The following TAFA4 variants were observed in gnomAD, a reference collection of about 807,000 sequenced individuals.
TAFA4 encodes chemokine-like protein TAFA-4.
TAFA4 carries 20 observed loss-of-function variants against 21.1 expected under a neutral mutation model. The ratio of observed to expected loss-of-function variants is 0.95; its 90% confidence interval spans 0.67 to 1.38. TAFA4 has a LOEUF of 1.38. Among genes scored for constraint, TAFA4 ranks in the 40% most tolerant of loss-of-function variants. The pLI is 0.00. For synonymous variants in TAFA4, 71 were observed against 67.4 expected (o/e 1.05, Z -0.26); for missense variants, 211 against 180.9 (o/e 1.17, Z -0.95).
chr3:68,827,653 T>C (rs984630751), intron 3 of TAFA4, among the ~76,000 whole-genome samples: 1 of 152,268 alleles, frequency 6.6e-6, no homozygotes, highest in Non-Finnish European at 1.5e-5. Context: ...TGAGCCTTTT[T>C]TCATATGTTT....
chr3:68,753,069 G>A (rs1414256943), intron 3 of TAFA4, 51 bp from the exon 4 acceptor site: 2 of 1,570,738 alleles, frequency 1.3e-6, no homozygotes, highest in Admixed American at 1.7e-5. Context: ...AGAAGGAAAT[G>A]ACACCACCAA....
intron 3 of TAFA4, among the ~76,000 whole-genome samples, chr3:68,855,896 G>C (rs541098658): frequency 6.6e-6 from 1 of 152,202 alleles, no homozygotes; most frequent in South Asian, 2.1e-4. Flanking sequence ...AAAGAGCCAA[G>C]CTCACTGCCG....
chr3:68,778,246 C>T (rs573207190), intron 3 of TAFA4, among the ~76,000 whole-genome samples: 15 of 152,176 alleles, frequency 9.9e-5, no homozygotes, highest in Admixed American at 9.8e-4. Context: ...TGAATGGCTA[C>T]ATTAATATTA....
intron 5 of TAFA4, among the ~76,000 whole-genome samples, chr3:68,734,829 A>C (rs1437096270): frequency 1.3e-5 from 2 of 152,088 alleles, no homozygotes; most frequent in Non-Finnish European, 2.9e-5. Flanking sequence ...GGCTATTGTG[A>C]TGTTAGCTCT....
intron 3 of TAFA4, among the ~76,000 whole-genome samples, chr3:68,861,095 C>T (rs921895860): frequency 6.9e-6 from 1 of 145,558 alleles, no homozygotes. Context: ...AATTCCTGAA[C>T]AGTTTCCTAA....
At chr3:68,760,187 AATTG>A (rs1702735323) in intron 3 of TAFA4, among the ~76,000 whole-genome samples, 1 of 152,162 alleles carries the variant, frequency 6.6e-6, no homozygotes, top group South Asian at 2.1e-4. Flanking sequence ...TTACAACAAA[AATTG>A]ATTGCTTCAG....
chr3:68,910,825 T>C (rs1336377836), intron 1 of TAFA4, among the ~76,000 whole-genome samples: 3 of 152,226 alleles, frequency 2.0e-5, no homozygotes, highest in African/African-American at 4.8e-5. Flanking sequence ...CCAAATCTCA[T>C]GTGCAATCAG....
rs13062094 is a variant in TAFA4 at position 68,805,362 on chromosome 3, C to T, written c.131-52344G>A. ...CACTTTTACACTGTTGGTGGGACTGCAAACTAGTTCAACCATTGTGGAAGT... is the reference window on the plus strand; with the variant it reads ...CACTTTTACACTGTTGGTGGGACTGTAAACTAGTTCAACCATTGTGGAAGT... On this transcript the variant is annotated intron_variant, in intron 3 of 5. Transcript: ENST00000295569. Among the ~76,000 whole-genome samples the T allele has an allele frequency of 3.0e-3, 455 of 152,210 alleles. 1 individual carries two copies. The highest frequency in any genetic ancestry group is 5.2e-3 in the Non-Finnish European group (356 of 68,006).
At chr3:68,780,016 A>G (rs1703125695) in intron 3 of TAFA4, among the ~76,000 whole-genome samples, 1 of 152,232 alleles carries the variant, frequency 6.6e-6, no homozygotes, top group African/African-American at 2.4e-5. Context: ...CTCTTGCATC[A>G]GCATGACCTT....
At chr3:68,910,978 A>C (rs1446923919) in intron 1 of TAFA4, among the ~76,000 whole-genome samples, 1 of 152,262 alleles carries the variant, frequency 6.6e-6, no homozygotes. Context: ...AAGATATGAT[A>C]GATTTTGCCT....
rs141747912 is a variant in TAFA4, at chr3:68,904,903, T to C, written c.-122-19593A>G. On this transcript the variant is annotated intron_variant, in intron 1 of 5. Coordinates refer to ENST00000295569, the MANE Select transcript of TAFA4 (RefSeq NM_182522.5). ...CAAGAGAATTGGTGAATGCTAGGGATGGGAACTGGCCTTGCAGCTGTGGCC... is the reference window on the plus strand; with the variant it reads ...CAAGAGAATTGGTGAATGCTAGGGACGGGAACTGGCCTTGCAGCTGTGGCC... Among the ~76,000 whole-genome samples, 278 of 152,258 alleles carry C rather than the reference T, an allele frequency of 1.8e-3. 1 individual carries two copies. Among genetic ancestry groups the C allele is most frequent in the African/African-American group, 6.4e-3 (265 of 41,542 alleles).
chr3:68,858,084 C>G (rs1397151696), intron 3 of TAFA4, among the ~76,000 whole-genome samples: 3 of 152,148 alleles, frequency 2.0e-5, no homozygotes, highest in Non-Finnish European at 4.4e-5. Flanking sequence ...CTTCAGCAAT[C>G]AGTATGGCAG....
At chr3:68,739,283 C>T (rs573347496) in intron 4 of TAFA4, 84 bp from the exon 5 acceptor site, 25 of 1,480,052 alleles carry the variant, frequency 1.7e-5, no homozygotes, top group East Asian at 2.3e-5. Context: ...CAGAGTAGTA[C>T]ACTGAGTTCA....
chr3:68,878,299 T>C (rs985346288), intron 3 of TAFA4, among the ~76,000 whole-genome samples: 15 of 152,230 alleles, frequency 9.9e-5, no homozygotes, highest in African/African-American at 2.9e-4. Context: ...AAACTAGCTA[T>C]GACTCCATCT....
intron 3 of TAFA4, among the ~76,000 whole-genome samples, chr3:68,756,369 ATTG>A (rs1277914539): frequency 6.6e-6 from 1 of 152,188 alleles, no homozygotes; most frequent in East Asian, 1.9e-4. Context: ...TTACATATAA[ATTG>A]TTGTGTGAAT....
At chr3:68,733,246 A>G in intron 5 of TAFA4, 93 bp from the exon 6 acceptor site, 1 of 1,483,468 alleles carries the variant, frequency 6.7e-7, no homozygotes, top group South Asian at 1.3e-5. Context: ...CTGACTGTGA[A>G]TACTTTATCA....
intron 3 of TAFA4, among the ~76,000 whole-genome samples, chr3:68,874,203 A>G (rs1286759187): frequency 6.6e-6 from 1 of 152,142 alleles, no homozygotes; most frequent in Admixed American, 6.6e-5. Flanking sequence ...ATAAGCATTG[A>G]TGGTACTTGG....
At position 68,885,837 on chromosome 3, in the gene TAFA4, A is replaced by G. The variant is rs191535775; in HGVS notation, c.-122-527T>C. ...GACACCAAGAGAAAAAGTGTTTCCA[A>G]TATAATCCACCATACCAAAATATAA... On this transcript the variant is annotated intron_variant, in intron 1 of 5. Transcript: ENST00000295569. Among the ~76,000 whole-genome samples, 367 of 152,334 alleles carry G rather than the reference A, an allele frequency of 2.4e-3. 1 individual carries two copies. The highest frequency in any genetic ancestry group is 8.2e-3 in the African/African-American group (339 of 41,576).
intron 3 of TAFA4, among the ~76,000 whole-genome samples, chr3:68,869,770 T>C (rs1313106909): frequency 5.9e-5 from 9 of 151,790 alleles, no homozygotes; most frequent in East Asian, 1.9e-4. Flanking sequence ...TGGGGGGAAA[T>C]TGAAAGACAT....
Sources: allele counts gnomAD v4.1 joint callset (sites outside exome capture counted in the v4.1 genomes callset), GRCh38; gene constraint gnomAD v4.1.1; transcripts MANE v1.5; gene names NCBI Gene and HGNC (gene_info 2026-07-23, HGNC 2026-07-21).